The following PPFIA2 variants were observed in gnomAD, a reference collection of about 807,000 sequenced individuals.
PPFIA2 encodes the protein PPFI scaffold protein A2, also known as liprin-alpha-2.
Under a neutral mutation model 175.5 loss-of-function variants are expected in PPFIA2, and 46 were observed. The observed-to-expected ratio is 0.26, with a 90% CI of 0.21 to 0.34. The LOEUF (loss-of-function observed/expected upper bound fraction) is 0.34, where lower values mean the gene tolerates loss of function less well. PPFIA2 is among the 10% of genes least tolerant of loss of function. PPFIA2 has a pLI of 1.00. For missense variants in PPFIA2, 1,179 were observed against 1,506.1 expected (o/e 0.78, Z 3.60); for synonymous variants, 568 against 511.4 (o/e 1.11, Z -1.49).
intron 18 of PPFIA2, among the ~76,000 whole-genome samples, chr12:81,345,997 G>T (rs1198552838): frequency 1.3e-5 from 2 of 152,082 alleles, no homozygotes; most frequent in Admixed American, 6.6e-5. Context: ...TTAGTAGGAA[G>T]TTTTGGAAAT....
rs577095197 is a variant in PPFIA2 at position 81,389,399 on chromosome 12, A to G, written c.763-5155T>C. Among the ~76,000 whole-genome samples the G allele has an allele frequency of 2.0e-5, 3 of 148,360 alleles. No homozygotes were observed. In the South Asian group the frequency reaches 6.3e-4, roughly 31 times the overall value. ...TATAGATAGTAATCAGGCAATTAAA[A>G]TAAAACGCTTTTAAAATGTTAACTT... On this transcript the variant is annotated intron_variant, in intron 8 of 32. Transcript: ENST00000549396.
chr12:81,720,732 T>C (rs1333320705), intron 3 of PPFIA2, among the ~76,000 whole-genome samples: 1 of 151,490 alleles, frequency 6.6e-6, no homozygotes, highest in East Asian at 2.0e-4. Context: ...TAGTTCCTGC[T>C]CAATCCTTGA....
At chr12:81,409,267 G>A (rs1478494933) in intron 7 of PPFIA2, among the ~76,000 whole-genome samples, 1 of 152,056 alleles carries the variant, frequency 6.6e-6, no homozygotes, top group African/African-American at 2.4e-5. Context: ...AACTAACGTA[G>A]GTCTGGATGC....
At chr12:81,277,947 G>A (rs2040975768) in intron 27 of PPFIA2, among the ~76,000 whole-genome samples, 2 of 152,176 alleles carry the variant, frequency 1.3e-5, no homozygotes, top group Admixed American at 1.3e-4. Context: ...GAAACTGAAT[G>A]AAAAGGATAT....
intron 8 of PPFIA2, among the ~76,000 whole-genome samples, chr12:81,395,387 G>A (rs994195113): frequency 3.9e-5 from 6 of 151,930 alleles, no homozygotes; most frequent in African/African-American, 7.2e-5. Flanking sequence ...ATAACTTCCC[G>A]AAGTTAATTT....
chr12:81,610,986 T>C (rs967477068), intron 4 of PPFIA2, among the ~76,000 whole-genome samples: 2 of 152,152 alleles, frequency 1.3e-5, no homozygotes, highest in African/African-American at 4.8e-5. Flanking sequence ...TATATATTAA[T>C]AGGATAATTG....
intron 4 of PPFIA2, among the ~76,000 whole-genome samples, chr12:81,642,465 T>A (rs927960737): frequency 6.6e-6 from 1 of 151,010 alleles, no homozygotes; most frequent in Non-Finnish European, 1.5e-5. Context: ...TGAAAATATA[T>A]GCAGTTCCTT....
chr12:81,749,387 CAT>C lies in PPFIA2; in HGVS notation c.249+4584_249+4585del, dbSNP rs1284858391. On this transcript the variant is annotated intron_variant, in intron 3 of 32. Transcript: ENST00000549396. Reference sequence around the variant, plus strand: ...CTTTTTTCCCCATCCCCTTTACAAACATATGTAGCTATTTAATAATGCACAGT... The same window carrying C: ...CTTTTTTCCCCATCCCCTTTACAAACATGTAGCTATTTAATAATGCACAGT... 9.0e-5 allele frequency among the ~76,000 whole-genome samples: 13 copies of C among 143,916 alleles called. 1 individual carries two copies. In the East Asian group the frequency reaches 2.1e-3, roughly 23 times the overall value. The allele number at this position is 143,916 out of a possible 152,430, so 94.4% of individuals were successfully genotyped here. A position where few individuals can be genotyped will look rare whatever the true frequency, so the allele number is the denominator to read the frequency against.
At chr12:81,588,789 C>A (rs2075632835) in intron 4 of PPFIA2, among the ~76,000 whole-genome samples, 1 of 151,986 alleles carries the variant, frequency 6.6e-6, no homozygotes, top group African/African-American at 2.4e-5. Flanking sequence ...CCATACCATA[C>A]CACTGAAACC....
intron 3 of PPFIA2, among the ~76,000 whole-genome samples, chr12:81,728,910 G>C (rs1017661068): frequency 1.8e-4 from 27 of 151,538 alleles, no homozygotes; most frequent in African/African-American, 6.5e-4. Flanking sequence ...GATGGAGGAA[G>C]AAAGGACATT....
At chr12:81,594,398 C>T (rs944984016) in intron 4 of PPFIA2, among the ~76,000 whole-genome samples, 1 of 152,084 alleles carries the variant, frequency 6.6e-6, no homozygotes, top group African/African-American at 2.4e-5. Context: ...AATGGCTAAA[C>T]AAATAAATAA....
intron 21 of PPFIA2, 77 bp downstream of exon 21, chr12:81,339,103 T>C: frequency 7.3e-6 from 9 of 1,240,676 alleles, no homozygotes; most frequent in Non-Finnish European, 9.7e-6. Context: ...AGCAATGAAA[T>C]GAAATGAAAG....
chr12:81,272,231 G>C (rs1289911973), intron 28 of PPFIA2, among the ~76,000 whole-genome samples: 3 of 151,472 alleles, frequency 2.0e-5, no homozygotes, highest in African/African-American at 4.9e-5. Flanking sequence ...ATCTCACTTG[G>C]GGTCCATCGA....
At chr12:81,321,852 TG>T (rs1217205386) in intron 22 of PPFIA2, among the ~76,000 whole-genome samples, 1 of 152,126 alleles carries the variant, frequency 6.6e-6, no homozygotes, top group Non-Finnish European at 1.5e-5. Flanking sequence ...GGCAGGCCCA[TG>T]TAGGTTTTAA....
At chr12:81,567,068 A>G (rs1407582146) in intron 4 of PPFIA2, among the ~76,000 whole-genome samples, 1 of 152,130 alleles carries the variant, frequency 6.6e-6, no homozygotes. Context: ...TTTTCTTGAG[A>G]CTGAGTGGCG....
At chr12:81,528,196 AG>A (rs2063974737) in intron 4 of PPFIA2, among the ~76,000 whole-genome samples, 2 of 152,174 alleles carry the variant, frequency 1.3e-5, no homozygotes, top group South Asian at 4.1e-4. Context: ...AGCAAAAATT[AG>A]GGCAGTCACC....
chr12:81,534,211 G>A (rs1169354485), intron 4 of PPFIA2, among the ~76,000 whole-genome samples: 3 of 151,504 alleles, frequency 2.0e-5, no homozygotes, highest in African/African-American at 7.3e-5. Flanking sequence ...TGATTAATGG[G>A]TACAAACATA....
chr12:81,317,037 C>T (rs1197682376), intron 22 of PPFIA2, among the ~76,000 whole-genome samples: 1 of 151,580 alleles, frequency 6.6e-6, no homozygotes, highest in Non-Finnish European at 1.5e-5. Context: ...AGAGATAACA[C>T]ATGTAAAATG....
intron 3 of PPFIA2, among the ~76,000 whole-genome samples, chr12:81,698,769 C>CAA (rs781166977): frequency 1.3e-5 from 2 of 151,424 alleles, no homozygotes; most frequent in Non-Finnish European, 3.0e-5. Context: ...TTTATACACA[C>CAA]ACACACACAC....
Sources: gnomAD v4.1 joint callset for allele counts (sites outside exome capture counted in the v4.1 genomes callset) on GRCh38, gnomAD v4.1.1 for gene constraint, MANE v1.5 for transcripts, NCBI Gene and HGNC (gene_info 2026-07-23, HGNC 2026-07-21) for gene names.